The following CDK5RAP2 variants were observed in gnomAD, a reference collection of about 807,000 sequenced individuals.
CDK5RAP2 encodes the protein CDK5 regulatory subunit-associated protein 2.
Under a neutral mutation model 232.9 loss-of-function variants are expected in CDK5RAP2, and 147 were observed. The ratio of observed to expected loss-of-function variants is 0.63; its 90% CI spans 0.55 to 0.72. The LOEUF (loss-of-function observed/expected upper bound fraction) is 0.72, where lower values mean the gene tolerates loss of function less well. Among genes scored for constraint, CDK5RAP2 ranks in the 30% least tolerant of loss-of-function variants. The probability of loss-of-function intolerance (pLI) is 0.00; values close to 1 mark genes in which losing one functional copy is unlikely to be tolerated. For synonymous variants in CDK5RAP2, 833 were observed against 833.7 expected (o/e 1.00, Z 0.01); for missense variants, 2,195 against 2,231.5 (o/e 0.98, Z 0.33).
intron 20 of CDK5RAP2, 112 bp downstream of exon 20, chr9:120,458,338 G>A: frequency 9.8e-7 from 1 of 1,016,884 alleles, no homozygotes; most frequent in East Asian, 2.5e-5. Flanking sequence ...AGCCATTTCA[G>A]GAGCTCTCTC....
chr9:120,431,573 T>A (rs949971278), intron 25 of CDK5RAP2, among the ~76,000 whole-genome samples: 1 of 152,360 alleles, frequency 6.6e-6, no homozygotes, highest in African/African-American at 2.4e-5. Context: ...CATATCATCA[T>A]CATCATCAGA....
At chr9:120,471,707 G>C (rs1237001910) in intron 16 of CDK5RAP2, 41 bp downstream of exon 16, 1 of 1,613,496 alleles carries the variant, frequency 6.2e-7, no homozygotes, top group Non-Finnish European at 8.5e-7. Context: ...TGCCCTCCAA[G>C]TGGAAAAACC....
chr9:120,536,598 T>C, intron 6 of CDK5RAP2, 72 bp from the exon 7 acceptor site: 1 of 1,372,922 alleles, frequency 7.3e-7, no homozygotes, highest in Middle Eastern at 1.8e-4. Context: ...GAAATTGGAT[T>C]AAAATATAAA....
At chr9:120,557,069 G>T (rs1301194058) in intron 3 of CDK5RAP2, among the ~76,000 whole-genome samples, 6 of 152,178 alleles carry the variant, frequency 3.9e-5, no homozygotes, top group Admixed American at 3.3e-4. Context: ...ACACTTGAAA[G>T]AATATTTGTC....
chr9:120,485,851 G>C (rs1463966819), intron 14 of CDK5RAP2, among the ~76,000 whole-genome samples: 1 of 152,126 alleles, frequency 6.6e-6, no homozygotes, highest in Admixed American at 6.6e-5. Flanking sequence ...TGACAGAGTC[G>C]ACAGAGAGAA....
At chr9:120,502,531 C>T (rs1227356962) in intron 12 of CDK5RAP2, among the ~76,000 whole-genome samples, 2 of 152,196 alleles carry the variant, frequency 1.3e-5, no homozygotes, top group Admixed American at 6.5e-5. Flanking sequence ...AGGTTAAGAA[C>T]GTCTTACACG....
intron 17 of CDK5RAP2, among the ~76,000 whole-genome samples, chr9:120,468,383 C>A (rs970714807): frequency 1.3e-5 from 2 of 152,164 alleles, no homozygotes; most frequent in South Asian, 4.1e-4. Context: ...ACTTGAGACC[C>A]TCTGGAGGAA....
At chr9:120,537,580 T>C (rs2041448069) in intron 6 of CDK5RAP2, among the ~76,000 whole-genome samples, 1 of 151,976 alleles carries the variant, frequency 6.6e-6, no homozygotes, top group African/African-American at 2.4e-5. Context: ...CCTAAGACAG[T>C]AGAGTATAGC....
At chr9:120,528,388 G>GTTTT in intron 9 of CDK5RAP2, among the ~76,000 whole-genome samples, 1 of 152,218 alleles carries the variant, frequency 6.6e-6, no homozygotes, top group Non-Finnish European at 1.5e-5. Flanking sequence ...GGATGTGAAA[G>GTTTT]CACTTTCTAA....
Position 120,389,268 on chromosome 9 carries a change from C to T in CDK5RAP2, c.5650G>A (p.Gly1884Arg). The change falls in exon 38 of 38, where the codon GGA becomes AGA. Residue 1884 changes from glycine to arginine, a missense_variant. Gly to Arg is a moderately radical substitution (Grantham distance 125). Coordinates refer to ENST00000349780, the MANE Select transcript of CDK5RAP2 (RefSeq NM_018249.6). ...CCTGGTCTGCTGGGACTGCATGTTC[C>T]TGGATGGGCTCCCCCAGGCCTAAGC... is the stretch of plus-strand genomic sequence containing the variant. Reference protein sequence around the residue: ...LELRPGGAHPGTCSPSRPGS With the variant: ...LELRPGGAHPRTCSPSRPGS The T allele has an allele frequency of 6.2e-7, 1 of 1,612,926 alleles. No individual in the cohort carries two copies. The highest frequency in any genetic ancestry group is 8.5e-7 in the Non-Finnish European group (1 of 1,179,438).
chr9:120,478,909 A>C (rs530276144), intron 14 of CDK5RAP2, among the ~76,000 whole-genome samples: 2 of 152,264 alleles, frequency 1.3e-5, no homozygotes, highest in African/African-American at 4.8e-5. Context: ...TAATTTGATT[A>C]TGGTGATCAT....
rs1312285490 is a variant in CDK5RAP2 at position 120,527,840 on chromosome 9, C to A, written c.965G>T (p.Gly322Val). ...CTTTGATTTTAATGCCATGGTTAAA[C>A]CCTGAATGGCTTTATCCCTCTTTAG... ...NSLKRDKAIQGLTMALKSKEK... is the reference protein window; with the variant it reads ...NSLKRDKAIQVLTMALKSKEK... Residue 322 changes from glycine to valine, a missense_variant, in exon 10 of 38, where the codon GGT (glycine) becomes GTT (valine). Transcript: ENST00000349780. The A allele has an allele frequency of 6.2e-7, 1 of 1,613,538 alleles. No individual in the cohort carries two copies. Among genetic ancestry groups the A allele is most frequent in the Non-Finnish European group, 8.5e-7 (1 of 1,179,798 alleles).
At chr9:120,445,790 C>A (rs2036154124) in intron 22 of CDK5RAP2, among the ~76,000 whole-genome samples, 2 of 152,184 alleles carry the variant, frequency 1.3e-5, no homozygotes, top group African/African-American at 2.4e-5. Context: ...TCAAATATTA[C>A]CAAAATATTG....
chr9:120,536,289 TA>T, intron 7 of CDK5RAP2, 82 bp downstream of exon 7: 1 of 1,466,990 alleles, frequency 6.8e-7, no homozygotes, highest in Non-Finnish European at 9.5e-7. Context: ...AAGGGAGGGA[TA>T]AAAGAGAATA....
chr9:120,414,590 G>A (rs575144800), intron 28 of CDK5RAP2, among the ~76,000 whole-genome samples: 63 of 152,308 alleles, frequency 4.1e-4, no homozygotes, highest in African/African-American at 1.5e-3. Context: ...AATGGGTAAA[G>A]AATGGAGGTT....
At chr9:120,472,720 C>CTG (rs1254468217) in intron 15 of CDK5RAP2, among the ~76,000 whole-genome samples, 2 of 152,018 alleles carry the variant, frequency 1.3e-5, no homozygotes, top group African/African-American at 4.8e-5. Flanking sequence ...GACTAGAAGC[C>CTG]CAAAACCCAG....
At chr9:120,404,010 CA>C in intron 33 of CDK5RAP2, 25 bp downstream of exon 33, 1 of 1,527,820 alleles carries the variant, frequency 6.5e-7, no homozygotes, top group Non-Finnish European at 9.1e-7. Context: ...AATGCTCCCA[CA>C]GTTACCTGGA....
intron 16 of CDK5RAP2, among the ~76,000 whole-genome samples, 160 bp downstream of exon 16, chr9:120,471,588 C>T (rs1303639602): frequency 3.3e-5 from 5 of 152,192 alleles, no homozygotes; most frequent in Admixed American, 6.5e-5. Flanking sequence ...GGCTCTTCTA[C>T]TAGGAAGGCT....
chr9:120,512,197 A>G (rs554144874), intron 12 of CDK5RAP2, among the ~76,000 whole-genome samples: 1 of 152,286 alleles, frequency 6.6e-6, no homozygotes, highest in East Asian at 1.9e-4. Context: ...AAAATTTAAC[A>G]AATTAGCCAG....
Sources: gnomAD v4.1 joint callset for allele counts (sites outside exome capture counted in the v4.1 genomes callset) on GRCh38, gnomAD v4.1.1 for gene constraint, MANE v1.5 for transcripts, NCBI Gene and HGNC (gene_info 2026-07-23, HGNC 2026-07-21) for gene names.